Variants in LRRC4C observed in about 807,000 individuals in gnomAD.
The protein encoded by LRRC4C is leucine rich repeat containing 4C.
A neutral mutation model predicts 33.6 loss-of-function variants in LRRC4C; 5 were observed. The ratio of observed to expected loss-of-function variants is 0.15; its 90% CI spans 0.08 to 0.31. The LOEUF is 0.31. LRRC4C is among the 10% of genes least tolerant of loss of function. The probability of loss-of-function intolerance (pLI) is 1.00; values close to 1 mark genes in which losing one functional copy is unlikely to be tolerated. For missense variants in LRRC4C, 560 were observed against 796.7 expected (o/e 0.70, Z 3.58); for synonymous variants, 329 against 302.0 (o/e 1.09, Z -0.93).
At chr11:41,365,448 T>A (rs1330687186) in intron 1 of LRRC4C, among the ~76,000 whole-genome samples, 1 of 152,094 alleles carries the variant, frequency 6.6e-6, no homozygotes, top group African/African-American at 2.4e-5. Flanking sequence ...TGCACTTGAA[T>A]TATCTCAACA....
At chr11:40,200,480 TC>T (rs1862636419) in intron 5 of LRRC4C, among the ~76,000 whole-genome samples, 2 of 151,950 alleles carry the variant, frequency 1.3e-5, no homozygotes, top group Non-Finnish European at 2.9e-5. Flanking sequence ...TCTCTGACTT[TC>T]CCCAACCTTT....
intron 2 of LRRC4C, among the ~76,000 whole-genome samples, chr11:40,670,324 T>C (rs900298152): frequency 6.6e-6 from 1 of 152,334 alleles, no homozygotes; most frequent in African/African-American, 2.4e-5. Context: ...ATTGGGAATA[T>C]GTGAAGTGAC....
chr11:40,631,856 A>G (rs539328177), intron 3 of LRRC4C, among the ~76,000 whole-genome samples: 1 of 152,320 alleles, frequency 6.6e-6, no homozygotes, highest in Non-Finnish European at 1.5e-5. Flanking sequence ...AAGCTCTGTA[A>G]TGGTCTTATT....
intron 4 of LRRC4C, among the ~76,000 whole-genome samples, chr11:40,302,224 C>T (rs1255041747): frequency 6.6e-6 from 1 of 152,168 alleles, no homozygotes; most frequent in Non-Finnish European, 1.5e-5. Context: ...CATTTTATCA[C>T]AACCTTCAAT....
intron 3 of LRRC4C, among the ~76,000 whole-genome samples, chr11:40,339,921 C>T (rs1231693514): frequency 1.3e-5 from 2 of 152,030 alleles, no homozygotes; most frequent in African/African-American, 4.8e-5. Flanking sequence ...AAAAAGGAAA[C>T]TGACATTTAC....
At chr11:40,789,742 A>G (rs1950553921) in intron 2 of LRRC4C, among the ~76,000 whole-genome samples, 1 of 152,218 alleles carries the variant, frequency 6.6e-6, no homozygotes, top group Non-Finnish European at 1.5e-5. Context: ...TTTTCATTCA[A>G]CATATTTTGA....
chr11:40,619,448 A>G (rs1962212874), intron 3 of LRRC4C, among the ~76,000 whole-genome samples: 1 of 151,602 alleles, frequency 6.6e-6, no homozygotes, highest in Non-Finnish European at 1.5e-5. Flanking sequence ...ACAAAAACTA[A>G]AAAGAAATAA....
chr11:40,154,919 G>A (rs566680620), intron 5 of LRRC4C, among the ~76,000 whole-genome samples: 85 of 152,134 alleles, frequency 5.6e-4, no homozygotes, highest in African/African-American at 1.9e-3. Flanking sequence ...TTAACAGCAC[G>A]TGGATCTTTC....
At chr11:41,069,488 G>A (rs1035466842) in intron 1 of LRRC4C, among the ~76,000 whole-genome samples, 3 of 152,170 alleles carry the variant, frequency 2.0e-5, no homozygotes, top group Admixed American at 1.3e-4. Context: ...TTGTCTGTTT[G>A]CAGATGGCAT....
chr11:40,595,911 C>A (rs12278621), intron 3 of LRRC4C, among the ~76,000 whole-genome samples: 46,066 of 151,910 alleles, frequency 0.3, 7,272 homozygotes, highest in African/African-American at 0.38. Flanking sequence ...TCTATAGCGA[C>A]GGGGTAGTAC....
chr11:41,316,188 C>G (rs903758563), intron 1 of LRRC4C, among the ~76,000 whole-genome samples: 1 of 138,870 alleles, frequency 7.2e-6, no homozygotes, highest in Non-Finnish European at 1.5e-5. Context: ...TGCTCTTTCT[C>G]TATAACTGGG....
chr11:41,199,969 A>G (rs909673318), intron 1 of LRRC4C, among the ~76,000 whole-genome samples: 2 of 152,124 alleles, frequency 1.3e-5, no homozygotes, highest in Non-Finnish European at 2.9e-5. Context: ...AAGATCATAC[A>G]GCTCGTGAGC....
At chr11:40,448,667 G>A (rs1481212484) in intron 3 of LRRC4C, among the ~76,000 whole-genome samples, 1 of 152,134 alleles carries the variant, frequency 6.6e-6, no homozygotes, top group Non-Finnish European at 1.5e-5. Context: ...CATTTGGGTT[G>A]GTTCCAGGTT....
intron 1 of LRRC4C, among the ~76,000 whole-genome samples, chr11:41,175,366 A>T (rs1945153734): frequency 6.6e-6 from 1 of 152,174 alleles, no homozygotes; most frequent in African/African-American, 2.4e-5. Flanking sequence ...CAATTACCAA[A>T]TGTGAATGGC....
At chr11:40,332,446 T>C (rs2136945071) in intron 3 of LRRC4C, among the ~76,000 whole-genome samples, 1 of 152,320 alleles carries the variant, frequency 6.6e-6, no homozygotes, top group Admixed American at 6.5e-5. Context: ...TGATCTCATT[T>C]TAACCTGATT....
rs80178224 is a variant in LRRC4C at position 41,349,515 on chromosome 11, C to A, written c.-496+109916G>T. Among the ~76,000 whole-genome samples the A allele has an allele frequency of 4.2e-3, 634 of 152,022 alleles. 3 individuals are homozygous for A. Among genetic ancestry groups the A allele is most frequent in the African/African-American group, 0.013 (548 of 41,382 alleles). ...ACAAAAAACATGGGCCTGGTTTCAG[C>A]CCCTCAGGGTTCGAGCACACAGCCC... On this transcript the variant is annotated intron_variant, in intron 1 of 6. Coordinates refer to ENST00000528697, the MANE Select transcript of LRRC4C (RefSeq NM_001258419.2).
At chr11:40,621,540 CT>C (rs35143072) in intron 3 of LRRC4C, among the ~76,000 whole-genome samples, 2 of 151,258 alleles carry the variant, frequency 1.3e-5, no homozygotes, top group Non-Finnish European at 3.0e-5. Flanking sequence ...AGGCAAGTTG[CT>C]TTTTTTGCCT....
chr11:41,249,135 T>C (rs928626746), intron 1 of LRRC4C, among the ~76,000 whole-genome samples: 1 of 151,604 alleles, frequency 6.6e-6, no homozygotes, highest in East Asian at 1.9e-4. Context: ...CCCGGATTCA[T>C]GCCATTCTCC....
rs887218260 is a variant in LRRC4C, at chr11:41,448,083, A to G, written c.-496+11348T>C. Among the ~76,000 whole-genome samples the G allele has an allele frequency of 3.4e-5, 4 of 117,174 alleles. No individual in the cohort carries two copies. The East Asian group carries it at 9.8e-4, about 29-fold the overall frequency. 76.9% of individuals were successfully genotyped at this position (117,174 alleles called of 152,430 possible). On this transcript the variant is annotated intron_variant, in intron 1 of 6. Transcript: ENST00000528697. ...GTGTAATTTAGTAAGGTTCTACTGT[A>G]TTTCACCAGACACACAAACGAGGCT...
Sources: gnomAD v4.1 joint callset for allele counts (sites outside exome capture counted in the v4.1 genomes callset) on GRCh38, gnomAD v4.1.1 for gene constraint, MANE v1.5 for transcripts, NCBI Gene and HGNC (gene_info 2026-07-23, HGNC 2026-07-21) for gene names.